Variants in ERF observed in about 807,000 individuals in gnomAD.
ERF encodes ETS domain-containing transcription factor ERF.
A neutral mutation model predicts 41.6 loss-of-function variants in ERF; 10 were observed. That is an observed-to-expected ratio of 0.24 (90% confidence interval 0.15 to 0.41). The LOEUF is 0.41. ERF is among the 10% of genes least tolerant of loss of function. The probability of loss-of-function intolerance (pLI) is 1.00; values close to 1 mark genes in which losing one functional copy is unlikely to be tolerated. For synonymous variants in ERF, 395 were observed against 342.4 expected (o/e 1.15, Z -1.70); for missense variants, 621 against 763.2 (o/e 0.81, Z 2.19).
Position 42,250,299 on chromosome 19 carries a change from C to T in ERF, c.257+32G>A, listed in dbSNP as rs1481399865. On this transcript the variant is annotated intron_variant, in intron 2 of 3. Transcript: ENST00000222329. This position sits in a 1 kb window ranked among gnomAD's most constrained non-coding sequence, Gnocchi z 5.1. Reference sequence around the variant, plus strand: ...TGTGCAACCCCGGGGGGGCACTCCACATGTGCTCAGGGGTCCCCAGCCCGT... The same window carrying T: ...TGTGCAACCCCGGGGGGGCACTCCATATGTGCTCAGGGGTCCCCAGCCCGT... 1.2e-6 allele frequency: 2 copies of T among 1,606,552 alleles called. No individual in the cohort carries two copies. The highest frequency in any genetic ancestry group is 2.2e-5 in the East Asian group (1 of 44,798).
intron 1 of ERF, 49 bp downstream of exon 1, chr19:42,254,929 G>T: frequency 6.6e-7 from 1 of 1,515,970 alleles, no homozygotes; most frequent in South Asian, 1.3e-5. Context: ...TCTCCGTTCG[G>T]TTTCCCGGGG....
chr19:42,254,286 A>C lies in ERF; in HGVS notation c.22+692T>G, dbSNP rs564407012. Among the ~76,000 whole-genome samples, 604 of 151,858 alleles carry C rather than the reference A, an allele frequency of 4.0e-3. 6 individuals are homozygous for C. Among genetic ancestry groups the C allele is most frequent in the African/African-American group, 0.014 (587 of 41,436 alleles). On this transcript the variant is annotated intron_variant, in intron 1 of 3. Transcript: ENST00000222329. ...TCCCCACCCTCCTCAACCCCGGGCC[A>C]CCGGTGGCGCGGGAGGAGGGTACCC...
Position 42,249,295 on chromosome 19 carries a change from T to C in ERF, c.817A>G (p.Thr273Ala), listed in dbSNP as rs2036397671. 6.3e-7 allele frequency: 1 copy of C among 1,599,402 alleles called. No homozygotes were observed. The highest frequency in any genetic ancestry group is 1.3e-5 in the African/African-American group (1 of 74,496). The change falls in exon 4 of 4, where the codon ACC (threonine) becomes GCC (alanine). Residue 273 changes from threonine (T) to alanine (A), a missense_variant. Around this residue, in one of 3 missense-constraint regions of ERF, gnomAD observed 569 missense variants for 625.5 expected, o/e 0.91. Coordinates refer to ENST00000222329, the MANE Select transcript of ERF (RefSeq NM_006494.4). This position sits in a 1 kb window ranked among gnomAD's most constrained non-coding sequence, Gnocchi z 8.6. The part of the protein sequence containing the change: ...QLSPALPMTP[T>A]HLAYTPSPTL... ...GGCGAGGGAGTGTAGGCCAGGTGGG[T>C]GGGCGTCATGGGCAGAGCCGGGGAG...
chr19:42,252,760 G>A (rs1464990361), intron 1 of ERF, among the ~76,000 whole-genome samples: 1 of 152,198 alleles, frequency 6.6e-6, no homozygotes, highest in Non-Finnish European at 1.5e-5. Flanking sequence ...GGTGACGTCA[G>A]GGTGTCTCAA....
In ERF at chr19:42,250,540, G is replaced by A. The variant is rs1264345707; in HGVS notation, c.48C>T (p.Tyr16=). The A allele has an allele frequency of 1.2e-6, 2 of 1,613,502 alleles. No homozygotes were observed. The highest frequency in any genetic ancestry group is 1.1e-5 in the South Asian group (1 of 91,048). ...TTGAGCCAGGGGACGACTCTGGCTTGTAGGCCCAATCCGGGAAGGCAAACC... is the reference window on the plus strand; with the variant it reads ...TTGAGCCAGGGGACGACTCTGGCTTATAGGCCCAATCCGGGAAGGCAAACC... ...DTGFAFPDWA[Y]KPESSPGSRQ... The change falls in exon 2 of 4, where the codon TAC becomes TAT. Residue 16 remains tyrosine, a synonymous_variant. Coordinates refer to ENST00000222329, the MANE Select transcript of ERF (RefSeq NM_006494.4). The surrounding 1 kb of genome is among the most constrained non-coding windows in gnomAD (Gnocchi z 5.1).
rs1310918145 is a variant in ERF at position 42,249,236 on chromosome 19, C to G, written c.876G>C (p.Gly292=). ...TLSPMYPSGG[G]GPSGSGGGSH... is the part of the protein sequence containing the mutation. Reference sequence around the variant, plus strand: ...AGCCTCCCCCTGAGCCGCTGGGCCCCCCGCCACCACTGGGGTACATCGGGC... The same window carrying G: ...AGCCTCCCCCTGAGCCGCTGGGCCCGCCGCCACCACTGGGGTACATCGGGC... Residue 292 remains glycine (G), a synonymous_variant, in exon 4 of 4, where the codon GGG becomes GGC. Transcript: ENST00000222329. This position sits in a 1 kb window ranked among gnomAD's most constrained non-coding sequence, Gnocchi z 8.6. 2 of 1,613,130 alleles carry G rather than the reference C, an allele frequency of 1.2e-6. No individual in the cohort carries two copies. The highest frequency in any genetic ancestry group is 1.7e-6 in the Non-Finnish European group (2 of 1,179,580).
chr19:42,248,526 C>T lies in ERF; in HGVS notation c.1586G>A (p.Arg529Gln), dbSNP rs769726767. 1.1e-5 allele frequency: 17 copies of T among 1,533,322 alleles called. No individual in the cohort carries two copies. The highest frequency in any genetic ancestry group is 1.1e-4 in the Admixed American group (5 of 46,622). 95.0% of individuals were successfully genotyped at this position (1,533,322 alleles called of 1,614,324 possible). A position where few individuals can be genotyped will look rare whatever the true frequency, so the allele number is the denominator to read the frequency against. ...GGCATGCTGGAGGTCAGAGCTCACCCGCCTTGGGGTGAGGGGCCCCCCAGC... is the reference window on the plus strand; with the variant it reads ...GGCATGCTGGAGGTCAGAGCTCACCTGCCTTGGGGTGAGGGGCCCCCCAGC... ...GEAGGPLTPR[R>Q]VSSDLQHATA... The change falls in exon 4 of 4, where the codon CGG (arginine) becomes CAG (glutamine). Residue 529 changes from arginine (R) to glutamine (Q), a missense_variant. This residue lies in a region of ERF where 569 missense variants were observed against 625.5 expected (regional missense o/e 0.91). Transcript: ENST00000222329. This position sits in a 1 kb window ranked among gnomAD's most constrained non-coding sequence, Gnocchi z 4.2.
chr19:42,253,931 C>A, intron 1 of ERF: 3 of 1,041,376 alleles, frequency 2.9e-6, no homozygotes, highest in Non-Finnish European at 3.5e-6. Flanking sequence ...GCCCCCTTCC[C>A]CCTCCCCCGT....
intron 1 of ERF, 66 bp downstream of exon 1, chr19:42,254,912 C>G (rs868779071): frequency 5.9e-5 from 88 of 1,500,286 alleles, no homozygotes; most frequent in Non-Finnish European, 7.5e-5. Context: ...TCAGCCCCCC[C>G]AAAGTTTCTC....
Position 42,250,605 on chromosome 19 carries a change from C to T in ERF, c.23-40G>A. Reference sequence around the variant, plus strand: ...CAGGGAGTGGCCTGGGGTCAGGCTGCCAAGTCCAGGGCTCTGGGTCCCATC... The same window carrying T: ...CAGGGAGTGGCCTGGGGTCAGGCTGTCAAGTCCAGGGCTCTGGGTCCCATC... On this transcript the variant is annotated intron_variant, in intron 1 of 3. Coordinates refer to ENST00000222329, the MANE Select transcript of ERF (RefSeq NM_006494.4). This position sits in a 1 kb window ranked among gnomAD's most constrained non-coding sequence, Gnocchi z 5.1. The T allele has an allele frequency of 1.3e-6, 2 of 1,594,830 alleles. No individual in the cohort carries two copies. Among genetic ancestry groups the T allele is most frequent in the Non-Finnish European group, 1.7e-6 (2 of 1,169,790 alleles).
At chr19:42,251,024 A>G (rs2036436413) in intron 1 of ERF, among the ~76,000 whole-genome samples, 1 of 151,898 alleles carries the variant, frequency 6.6e-6, no homozygotes, top group South Asian at 2.1e-4. Flanking sequence ...GTCTCCTCCG[A>G]AGACCCAACA....
At position 42,248,280 on chromosome 19, in the gene ERF, G is replaced by C. The variant is rs965434902; in HGVS notation, c.*185C>G. ...GACAGGGAATAGCCCCTAGCCCTGG[G>C]CACCCACCCACCCCCACCATTTTTA... On this transcript the variant is annotated 3_prime_UTR_variant, in exon 4 of 4. Coordinates refer to ENST00000222329, the MANE Select transcript of ERF (RefSeq NM_006494.4). The surrounding 1 kb of genome is among the most constrained non-coding windows in gnomAD (Gnocchi z 4.2). 2.7e-6 allele frequency: 1 copy of C among 371,596 alleles called. No homozygotes were observed. Among genetic ancestry groups the C allele is most frequent in the Non-Finnish European group, 4.3e-6 (1 of 229,950 alleles). The allele number at this position is 371,596 out of a possible 1,614,324, so 23.0% of individuals were successfully genotyped here. A position where few individuals can be genotyped will look rare whatever the true frequency, so the allele number is the denominator to read the frequency against.
chr19:42,254,946 G>A (rs753067623), intron 1 of ERF, 32 bp downstream of exon 1: 49 of 1,518,644 alleles, frequency 3.2e-5, no homozygotes, highest in African/African-American at 7.3e-5. Context: ...GGGGCAACAA[G>A]TCTCCCCCAC....
chr19:42,254,081 A>G (rs2036493532), intron 1 of ERF, among the ~76,000 whole-genome samples: 2 of 144,104 alleles, frequency 1.4e-5, no homozygotes, highest in African/African-American at 5.2e-5. Flanking sequence ...TCCGAGTGGG[A>G]GGGGGAGTTA....
At position 42,248,376 on chromosome 19, in the gene ERF, A is replaced by T; in HGVS notation, c.*89T>A. 12 of 1,144,918 alleles carry T rather than the reference A, an allele frequency of 1.0e-5. No individual in the cohort carries two copies. The highest frequency in any genetic ancestry group is 1.4e-5 in the Non-Finnish European group (12 of 867,868). 70.9% of individuals were successfully genotyped at this position (1,144,918 alleles called of 1,614,324 possible). ...GGAGGAGGCAGGGAAGAGACAAGAG[A>T]GCTGCCCTCACCTCCAGGGCATAGG... is the stretch of plus-strand genomic sequence containing the variant. On this transcript the variant is annotated 3_prime_UTR_variant, in exon 4 of 4. Transcript: ENST00000222329. This position sits in a 1 kb window ranked among gnomAD's most constrained non-coding sequence, Gnocchi z 4.2.
Position 42,250,087 on chromosome 19 carries a change from G to T in ERF, c.258-145C>A. ...AAGACAAATCAAGTGCCCAGAGGGTGGGTACCAGCTCTCTCCTCACATCTA... is the reference window on the plus strand; with the variant it reads ...AAGACAAATCAAGTGCCCAGAGGGTTGGTACCAGCTCTCTCCTCACATCTA... On this transcript the variant is annotated intron_variant, in intron 2 of 3. Transcript: ENST00000222329. The surrounding 1 kb of genome is among the most constrained non-coding windows in gnomAD (Gnocchi z 5.1). 1.2e-6 allele frequency: 1 copy of T among 850,758 alleles called. No individual in the cohort carries two copies. The allele number at this position is 850,758 out of a possible 1,614,324, so 52.7% of individuals were successfully genotyped here.
At position 42,248,498 on chromosome 19, in the gene ERF, C is replaced by T. The variant is rs183334082; in HGVS notation, c.1614G>A (p.Thr538=). 3.1e-4 allele frequency: 465 copies of T among 1,514,074 alleles called. 2 individuals are homozygous for T. The East Asian group carries it at 6.6e-3, about 21-fold the overall frequency. The allele number at this position is 1,514,074 out of a possible 1,614,324, so 93.8% of individuals were successfully genotyped here. The change falls in exon 4 of 4, where the codon ACG becomes ACA. Residue 538 remains threonine, a synonymous_variant. Transcript: ENST00000222329. This position sits in a 1 kb window ranked among gnomAD's most constrained non-coding sequence, Gnocchi z 4.2. ...RRVSSDLQHA[T]AQLSLEHRDS ...CTCGGTGCTCCAGGGAGAGCTGGGC[C>T]GTGGCATGCTGGAGGTCAGAGCTCA... is the stretch of plus-strand genomic sequence containing the variant.
At position 42,249,578 on chromosome 19, in the gene ERF, G is replaced by A; in HGVS notation, c.534C>T (p.Ala178=). ...TGACTGAGCCTCGGCCCAGGCGGCG[G>A]GCCACCACAGCCGAGAAGAGGGAAG... The part of the protein sequence containing the change: ...SSSSLFSAVV[A]RRLGRGSVSD... Residue 178 remains alanine, a synonymous_variant, in exon 4 of 4, where the codon GCC becomes GCT. Transcript: ENST00000222329. This position sits in a 1 kb window ranked among gnomAD's most constrained non-coding sequence, Gnocchi z 8.6. The A allele has an allele frequency of 6.2e-7, 1 of 1,613,582 alleles. No homozygotes were observed. The highest frequency in any genetic ancestry group is 1.3e-5 in the African/African-American group (1 of 75,024).
Position 42,248,371 on chromosome 19 carries a change from AAG to A in ERF, c.*92_*93del, listed in dbSNP as rs1299991003. 2 of 1,143,158 alleles carry A rather than the reference AAG, an allele frequency of 1.7e-6. No individual in the cohort carries two copies. The highest frequency in any genetic ancestry group is 3.2e-5 in the African/African-American group (2 of 63,282). 70.8% of individuals were successfully genotyped at this position (1,143,158 alleles called of 1,614,324 possible). A position where few individuals can be genotyped will look rare whatever the true frequency, so the allele number is the denominator to read the frequency against. The stretch of plus-strand genomic sequence containing the variant: ...AAAAGGGAGGAGGCAGGGAAGAGAC[AAG>A]AGAGCTGCCCTCACCTCCAGGGCAT... On this transcript the variant is annotated 3_prime_UTR_variant, in exon 4 of 4. Transcript: ENST00000222329. The surrounding 1 kb of genome is among the most constrained non-coding windows in gnomAD (Gnocchi z 4.2).
Sources: allele counts gnomAD v4.1 joint callset (sites outside exome capture counted in the v4.1 genomes callset), GRCh38; gene constraint gnomAD v4.1.1; regional missense constraint gnomAD v4.1.1; non-coding constraint Gnocchi (gnomAD v3.1); transcripts MANE v1.5; gene names NCBI Gene and HGNC (gene_info 2026-07-23, HGNC 2026-07-21).